FHIT: variants seen among roughly 807,000 people sequenced by gnomAD.
The protein encoded by FHIT is bis(5'-adenosyl)-triphosphatase.
FHIT carries 19 observed loss-of-function variants against 17.9 expected under a neutral mutation model. The observed-to-expected ratio is 1.06, with a 90% confidence interval of 0.74 to 1.56. The LOEUF is 1.56. Ranked by LOEUF, FHIT falls within the 40% of genes most tolerant of loss-of-function variation. The pLI is 0.00. For synonymous variants in FHIT, 81 were observed against 69.7 expected (o/e 1.16, Z -0.81); for missense variants, 248 against 189.2 (o/e 1.31, Z -1.82).
chr3:60,513,262 TC>T (rs1347885813), intron 5 of FHIT, among the ~76,000 whole-genome samples: 1 of 152,204 alleles, frequency 6.6e-6, no homozygotes, highest in East Asian at 1.9e-4. Context: ...AACTGTTCTT[TC>T]AACTTTACTG....
chr3:60,952,059 G>A (rs954729274), intron 3 of FHIT, among the ~76,000 whole-genome samples: 3 of 151,914 alleles, frequency 2.0e-5, no homozygotes, highest in African/African-American at 4.8e-5. Flanking sequence ...CCAGCTACTC[G>A]GGAGGCTGAG....
chr3:60,124,041 G>GAGAGAGAGAGAGAGAGAGAGAGAC (rs1705417901), intron 5 of FHIT, among the ~76,000 whole-genome samples: 10 of 47,666 alleles, frequency 2.1e-4, no homozygotes, highest in South Asian at 1.8e-3. Context: ...GAGAGAGAGA[G>GAGAGAGAGAGAGAGAGAGAGAGAC]AGAGAGAGAG....
At chr3:60,078,634 C>T (rs1019886321) in intron 5 of FHIT, among the ~76,000 whole-genome samples, 2 of 152,100 alleles carry the variant, frequency 1.3e-5, no homozygotes, top group African/African-American at 4.8e-5. Context: ...AGCTTTATAT[C>T]AAGGTTAATT....
At chr3:60,909,780 G>A (rs1706631647) in intron 3 of FHIT, among the ~76,000 whole-genome samples, 1 of 152,116 alleles carries the variant, frequency 6.6e-6, no homozygotes, top group Non-Finnish European at 1.5e-5. Flanking sequence ...CAAGGGAGAG[G>A]CTCCTAGACA....
intron 5 of FHIT, among the ~76,000 whole-genome samples, chr3:60,497,799 C>G (rs551245581): frequency 2.9e-4 from 44 of 152,200 alleles, no homozygotes; most frequent in Non-Finnish European, 4.0e-4. Context: ...TTGCATCACA[C>G]ACCCCATCAT....
intron 5 of FHIT, among the ~76,000 whole-genome samples, chr3:60,471,639 G>A (rs966917736): frequency 1.3e-5 from 2 of 152,172 alleles, no homozygotes; most frequent in African/African-American, 2.4e-5. Context: ...CCTCTTCAGT[G>A]CCTCTTTCCT....
intron 5 of FHIT, among the ~76,000 whole-genome samples, chr3:60,388,779 C>T (rs548529568): frequency 6.6e-6 from 1 of 152,280 alleles, no homozygotes; most frequent in Admixed American, 6.5e-5. Flanking sequence ...TCTTGTGTTC[C>T]AAGTTTCCAT....
At chr3:61,036,387 T>C (rs894571414) in intron 3 of FHIT, among the ~76,000 whole-genome samples, 10 of 152,000 alleles carry the variant, frequency 6.6e-5, no homozygotes, top group African/African-American at 2.4e-4. Flanking sequence ...ACATGAGATT[T>C]GAGGAGACAA....
intron 4 of FHIT, among the ~76,000 whole-genome samples, chr3:60,762,197 TGA>T (rs1486542424): frequency 6.6e-6 from 1 of 152,210 alleles, no homozygotes; most frequent in Admixed American, 6.5e-5. Context: ...CTTCTTGCCC[TGA>T]GTTTTTCTTT....
intron 5 of FHIT, among the ~76,000 whole-genome samples, chr3:60,335,945 G>A (rs2106875247): frequency 6.6e-6 from 1 of 152,232 alleles, no homozygotes; most frequent in Middle Eastern, 3.4e-3. Flanking sequence ...ACATGCATAT[G>A]TTAACACAGA....
intron 5 of FHIT, among the ~76,000 whole-genome samples, chr3:60,137,080 A>C (rs2107286449): frequency 6.6e-6 from 1 of 152,338 alleles, no homozygotes; most frequent in African/African-American, 2.4e-5. Context: ...CTATTTCAAA[A>C]TACACAGGTA....
At chr3:61,143,670 A>G (rs1441838311) in intron 2 of FHIT, among the ~76,000 whole-genome samples, 1 of 152,220 alleles carries the variant, frequency 6.6e-6, no homozygotes, top group Non-Finnish European at 1.5e-5. Flanking sequence ...GTTCAAGACC[A>G]GCCTCACCAA....
chr3:61,060,851 A>G (rs2034403357), intron 2 of FHIT, among the ~76,000 whole-genome samples: 1 of 152,222 alleles, frequency 6.6e-6, no homozygotes. Flanking sequence ...ACCACAGAGC[A>G]TGATCCTGCA....
chr3:60,136,749 G>A (rs1366747934), intron 5 of FHIT, among the ~76,000 whole-genome samples: 4 of 152,134 alleles, frequency 2.6e-5, no homozygotes, highest in African/African-American at 9.7e-5. Context: ...TGAGTTGGGG[G>A]CTATCCAGCC....
chr3:60,438,053 A>T (rs947646282), intron 5 of FHIT, among the ~76,000 whole-genome samples: 30 of 152,050 alleles, frequency 2.0e-4, no homozygotes, highest in African/African-American at 7.2e-4. Context: ...ATGAGGCAGG[A>T]TAAGTAGTCA....
intron 3 of FHIT, among the ~76,000 whole-genome samples, chr3:60,828,417 T>G (rs1467687554): frequency 6.6e-6 from 1 of 152,174 alleles, no homozygotes; most frequent in Non-Finnish European, 1.5e-5. Context: ...TTAATTACTT[T>G]TGTTCATTTA....
chr3:60,404,747 A>C (rs543817333), intron 5 of FHIT, among the ~76,000 whole-genome samples: 2 of 152,174 alleles, frequency 1.3e-5, no homozygotes, highest in Non-Finnish European at 2.9e-5. Flanking sequence ...AAGTTTTTAA[A>C]GTCAGGGACC....
chr3:60,381,564 C>T (rs188472263), intron 5 of FHIT, among the ~76,000 whole-genome samples: 83 of 152,074 alleles, frequency 5.5e-4, no homozygotes, highest in African/African-American at 1.9e-3. Flanking sequence ...TTCTATTGCT[C>T]AGATAATATT....
At chr3:60,396,331 C>T (rs369902573) in intron 5 of FHIT, among the ~76,000 whole-genome samples, 5 of 152,102 alleles carry the variant, frequency 3.3e-5, no homozygotes, top group Non-Finnish European at 5.9e-5. Flanking sequence ...AGCTATATAA[C>T]GTTAGGGGAA....
Sources: allele counts gnomAD v4.1 joint callset (sites outside exome capture counted in the v4.1 genomes callset), GRCh38; gene constraint gnomAD v4.1.1; transcripts MANE v1.5; gene names NCBI Gene and HGNC (gene_info 2026-07-23, HGNC 2026-07-21).